The following TPPP variants were observed in gnomAD, a reference collection of about 807,000 sequenced individuals.
TPPP encodes tubulin polymerization promoting protein, also known as tubulin polymerization-promoting protein.
A neutral mutation model predicts 15.5 loss-of-function variants in TPPP; 6 were observed. That is an observed-to-expected ratio of 0.39 (90% CI 0.21 to 0.77). The LOEUF (loss-of-function observed/expected upper bound fraction) is 0.77, where lower values mean the gene tolerates loss of function less well. TPPP is among the 30% of genes least tolerant of loss of function. The pLI is 0.42. For missense variants in TPPP, 269 were observed against 307.2 expected, an observed-to-expected ratio of 0.88 and a Z score of 0.93; for synonymous variants, 146 against 133.9, an observed-to-expected ratio of 1.09 and a Z score of -0.63.
chr5:686,713 G>T (rs1740776465), intron 1 of TPPP, among the ~76,000 whole-genome samples: 2 of 148,092 alleles, frequency 1.4e-5, no homozygotes, highest in East Asian at 1.9e-4. Context: ...CCTAGAAGAG[G>T]CAGAAGAGAA....
At position 677,848 on chromosome 5, in the gene TPPP, C is replaced by A. The variant is rs535424103; in HGVS notation, c.213G>T (p.Met71Ile). 3.7e-6 allele frequency: 6 copies of A among 1,612,488 alleles called. No homozygotes were observed. Among genetic ancestry groups the A allele is most frequent in the Non-Finnish European group, 5.1e-6 (6 of 1,179,762 alleles). The change falls in exon 2 of 4, where the codon ATG becomes ATT. Residue 71 changes from methionine to isoleucine, a missense_variant. Physicochemically the swap from Met to Ile is conservative, Grantham distance 10 (BLOSUM62 1). Coordinates refer to ENST00000360578, the MANE Select transcript of TPPP (RefSeq NM_007030.3). ...ACAGCTTCGACCAGTTCTTGCCGTG[C>A]ATCTCCCTCCCGGTGGCCCTGGCGT... ...HGDARATGRE[M>I]HGKNWSKLCK...
At chr5:671,892 C>T (rs996356548) in intron 2 of TPPP, among the ~76,000 whole-genome samples, 4 of 152,212 alleles carry the variant, frequency 2.6e-5, no homozygotes, top group Non-Finnish European at 4.4e-5. Flanking sequence ...CACCCTTCCC[C>T]CGGGCTGGGT....
chr5:672,087 G>C (rs996387535), intron 2 of TPPP, among the ~76,000 whole-genome samples: 3 of 152,218 alleles, frequency 2.0e-5, no homozygotes, highest in African/African-American at 7.2e-5. Flanking sequence ...TCCAAACCTG[G>C]GTCCTGCTCC....
intron 2 of TPPP, among the ~76,000 whole-genome samples, chr5:666,558 G>A (rs1739923786): frequency 6.6e-6 from 1 of 152,202 alleles, no homozygotes; most frequent in South Asian, 2.1e-4. Flanking sequence ...ATGGTTAGGA[G>A]GGGCTGCCGC....
At chr5:675,371 CCGGGGG>C (rs1740384460) in intron 2 of TPPP, among the ~76,000 whole-genome samples, 1 of 41,050 alleles carries the variant, frequency 2.4e-5, no homozygotes, top group Non-Finnish European at 4.5e-5. Flanking sequence ...TGCAGTGTGG[CCGGGGG>C]TGCAGCGCAG....
At chr5:668,431 C>T (rs1306473726) in intron 2 of TPPP, among the ~76,000 whole-genome samples, 15 of 126,004 alleles carry the variant, frequency 1.2e-4, no homozygotes, top group East Asian at 4.0e-4. Context: ...GCCGCGTGGG[C>T]GCCGTCAGGG....
intron 3 of TPPP, 105 bp downstream of exon 3, chr5:665,865 C>CCCCAA: frequency 1.3e-6 from 1 of 796,632 alleles, no homozygotes; most frequent in Non-Finnish European, 1.7e-6. Context: ...AGGTCACGCC[C>CCCCAA]CCAATCCATG....
chr5:698,045 C>A (rs1440112146), upstream of TPPP, among the ~76,000 whole-genome samples: 6 of 145,970 alleles, frequency 4.1e-5, no homozygotes, highest in Non-Finnish European at 9.0e-5. Context: ...ATCACATGAA[C>A]AGAATTAAGG....
At chr5:676,663 G>A (rs917346981) in intron 2 of TPPP, 27 of 152,290 alleles carry the variant, frequency 1.8e-4, no homozygotes, top group African/African-American at 6.5e-4. Flanking sequence ...GATCATGGTG[G>A]GGTGTCGGGA....
Position 666,129 on chromosome 5 carries a change from G to GGGGCACAGGCGATTTA in TPPP, c.312-7_312-6insTAAATCGCCTGTGCCC, listed in dbSNP as rs1554021109. 10 of 1,606,698 alleles carry GGGGCACAGGCGATTTA rather than the reference G, an allele frequency of 6.2e-6. No individual in the cohort carries two copies. In the African/African-American group the frequency reaches 1.3e-4, roughly 22 times the overall value. On this transcript the variant is annotated splice_polypyrimidine_tract_variant and splice_region_variant and intron_variant, in intron 2 of 3. Transcript: ENST00000360578. The stretch of plus-strand genomic sequence containing the variant: ...TGGTCCGGCAAGACTTCCCTCTACA[G>GGGGCACAGGCGATTTA]GGGCACAGGCGACTTAGGGCTGGGC...
At position 666,022 on chromosome 5, in the gene TPPP, C is replaced by T. The variant is rs371896286; in HGVS notation, c.413G>A (p.Arg138His). The stretch of plus-strand genomic sequence containing the variant: ...GCCCTCGATGAGCCTGTGCACCTCG[C>T]GAACGGCCTCCTCGCTGCTCTTGTC... ...FKDKSSEEAV[R>H]EVHRLIEGKA... Residue 138 changes from arginine (R) to histidine (H), a missense_variant, in exon 3 of 4, where the codon CGC becomes CAC. Coordinates refer to ENST00000360578, the MANE Select transcript of TPPP (RefSeq NM_007030.3). The T allele has an allele frequency of 3.7e-5, 59 of 1,610,058 alleles. No homozygotes were observed. In the African/African-American group the frequency reaches 3.8e-4, roughly 10 times the overall value.
Position 660,689 on chromosome 5 carries a change from C to T in TPPP, c.*4413G>A, listed in dbSNP as rs7434. On this transcript the variant is annotated 3_prime_UTR_variant, in exon 4 of 4. Transcript: ENST00000360578. ...TCCATCTCAACTCCTCCCCACTCCA[C>T]TTGTACAGCAGGAGCCACAGGCCTG... 0.13 allele frequency: 20,342 copies of T among 152,394 alleles called. 1,746 individuals are homozygous for T. Among genetic ancestry groups the T allele is most frequent in the Admixed American group, 0.19 (2,902 of 15,302 alleles). The allele number at this position is 152,394 out of a possible 1,614,324, so 9.4% of individuals were successfully genotyped here.
chr5:669,729 C>T lies in TPPP; in HGVS notation c.312-3606G>A, dbSNP rs537832183. On this transcript the variant is annotated intron_variant, in intron 2 of 3. Transcript: ENST00000360578. ...ATCCGGACACCTGCTCTGCGCGCTC[C>T]CCGAGTGTCTCGGGGAAAGGGCGCC... is the stretch of plus-strand genomic sequence containing the variant. Among the ~76,000 whole-genome samples the T allele has an allele frequency of 7.2e-5, 11 of 152,206 alleles. No individual in the cohort carries two copies. The East Asian group carries it at 1.4e-3, about 19-fold the overall frequency.
rs1180017330 is a variant in TPPP at position 665,025 on chromosome 5, A to G, written c.*77T>C. 4 of 1,511,674 alleles carry G rather than the reference A, an allele frequency of 2.6e-6. No individual in the cohort carries two copies. Among genetic ancestry groups the G allele is most frequent in the Non-Finnish European group, 3.6e-6 (4 of 1,119,744 alleles). 93.6% of individuals were successfully genotyped at this position (1,511,674 alleles called of 1,614,324 possible). On this transcript the variant is annotated 3_prime_UTR_variant, in exon 4 of 4. Coordinates refer to ENST00000360578, the MANE Select transcript of TPPP (RefSeq NM_007030.3). ...GTCTGAGTTCTGCCCCAGTTAGTAC[A>G]GGAATGTAATGAAGTGCGAGGTGAC...
chr5:692,115 ACATCAAAACAGCAGCCCCCCAGACCC>A (rs1740896215), intron 1 of TPPP, among the ~76,000 whole-genome samples: 4 of 37,748 alleles, frequency 1.1e-4, no homozygotes, highest in Non-Finnish European at 1.9e-4. Flanking sequence ...TCCCAACCCC[ACATCAAAACAGCAGCCCCCCAGACCC>A]CATCAAAACA....
chr5:664,552 G>T lies in TPPP; in HGVS notation c.*550C>A, dbSNP rs535276365. 1.3e-5 allele frequency: 2 copies of T among 154,872 alleles called. No homozygotes were observed. Among genetic ancestry groups the T allele is most frequent in the Admixed American group, 6.4e-5 (1 of 15,558 alleles). The allele number at this position is 154,872 out of a possible 1,614,324, so 9.6% of individuals were successfully genotyped here. On this transcript the variant is annotated 3_prime_UTR_variant, in exon 4 of 4. Transcript: ENST00000360578. ...CATGTGCCAGGCGCCCAGCACCCCC[G>T]CCAGGTGGCCTCACTCTGCCCTCTG...
chr5:680,600 G>A (rs1469155716), intron 1 of TPPP, among the ~76,000 whole-genome samples: 2 of 150,688 alleles, frequency 1.3e-5, no homozygotes, highest in South Asian at 2.2e-4. Context: ...CAGTTCCGGA[G>A]GGAAAAGTGG....
intron 1 of TPPP, among the ~76,000 whole-genome samples, chr5:679,658 G>A (rs979811810): frequency 3.3e-5 from 5 of 152,000 alleles, no homozygotes; most frequent in Admixed American, 1.3e-4. Context: ...GTGGGTGTGC[G>A]GGTCAGAGAG....
Position 661,960 on chromosome 5 carries a change from G to C in TPPP, c.*3142C>G, listed in dbSNP as rs535118455. 22 of 152,520 alleles carry C rather than the reference G, an allele frequency of 1.4e-4. No homozygotes were observed. In the South Asian group the frequency reaches 2.1e-3, roughly 14 times the overall value. 9.4% of individuals were successfully genotyped at this position (152,520 alleles called of 1,614,324 possible). ...CACCAACCCTGGAAGTGTGGAGGGA[G>C]AGTGGGGGCGTGGGGCCTCTCCCTC... On this transcript the variant is annotated 3_prime_UTR_variant, in exon 4 of 4. Transcript: ENST00000360578.
Sources: gnomAD v4.1 joint callset for allele counts (sites outside exome capture counted in the v4.1 genomes callset) on GRCh38, gnomAD v4.1.1 for gene constraint, MANE v1.5 for transcripts, NCBI Gene and HGNC (gene_info 2026-07-23, HGNC 2026-07-21) for gene names.